ROBO1: variants seen among roughly 807,000 people sequenced by gnomAD.
The protein encoded by ROBO1 is roundabout guidance receptor 1.
ROBO1 carries 149 observed loss-of-function variants against 195.9 expected under a neutral mutation model. The ratio of observed to expected loss-of-function variants is 0.76; its 90% CI spans 0.67 to 0.87. The LOEUF (loss-of-function observed/expected upper bound fraction) is 0.87. ROBO1 is among the 40% of genes least tolerant of loss of function. The pLI, the probability that ROBO1 is intolerant of heterozygous loss-of-function variation, is 0.00. For missense variants in ROBO1, 1,933 were observed against 2,068.3 expected (o/e 0.93, Z 1.27); for synonymous variants, 816 against 733.2 (o/e 1.11, Z -1.82).
At chr3:79,332,265 CAG>C (rs969232982) in intron 2 of ROBO1, among the ~76,000 whole-genome samples, 1 of 149,464 alleles carries the variant, frequency 6.7e-6, no homozygotes, top group Non-Finnish European at 1.5e-5. Flanking sequence ...CACAAGAAGG[CAG>C]AGAGTTAATG....
intron 4 of ROBO1, among the ~76,000 whole-genome samples, chr3:78,823,450 A>T (rs777017941): frequency 6.6e-6 from 1 of 152,198 alleles, no homozygotes; most frequent in Non-Finnish European, 1.5e-5. Flanking sequence ...ACAGGGAACA[A>T]TATCAAACAT....
At chr3:79,660,516 A>C (rs968231029) in intron 1 of ROBO1, among the ~76,000 whole-genome samples, 1 of 152,062 alleles carries the variant, frequency 6.6e-6, no homozygotes, top group Non-Finnish European at 1.5e-5. Flanking sequence ...AGAAGTCATG[A>C]TATCCAAAGA....
Position 79,506,803 on chromosome 3 carries a change from G to T in ROBO1, c.88+83021C>A, listed in dbSNP as rs968073928. 1.1e-4 allele frequency among the ~76,000 whole-genome samples: 16 copies of T among 152,332 alleles called. No homozygotes were observed. The South Asian group carries it at 1.9e-3, about 18-fold the overall frequency. On this transcript the variant is annotated intron_variant, in intron 2 of 30. Coordinates refer to ENST00000464233, the MANE Select transcript of ROBO1 (RefSeq NM_002941.4). Reference sequence around the variant, plus strand: ...TGGTGTTAAGTATGTTGAGTTTCAAGTGTCATAAAAGCATATGTGCAACTT... The same window carrying T: ...TGGTGTTAAGTATGTTGAGTTTCAATTGTCATAAAAGCATATGTGCAACTT...
intron 2 of ROBO1, among the ~76,000 whole-genome samples, chr3:79,222,512 C>G (rs953532783): frequency 3.3e-5 from 5 of 151,742 alleles, no homozygotes; most frequent in African/African-American, 9.7e-5. Context: ...ACATAAAATA[C>G]CTTTCATTAG....
chr3:79,018,766 G>GTGC (rs2078022504), intron 3 of ROBO1: 1 of 1,131,224 alleles, frequency 8.8e-7, no homozygotes, highest in Admixed American at 3.8e-5. Flanking sequence ...AAGCGCAGTA[G>GTGC]TGCCGTTTCC....
intron 2 of ROBO1, among the ~76,000 whole-genome samples, chr3:79,542,863 C>T (rs1274379741): frequency 6.6e-6 from 1 of 151,856 alleles, no homozygotes; most frequent in Non-Finnish European, 1.5e-5. Context: ...TAATATCTGC[C>T]ACATTATTAG....
intron 3 of ROBO1, among the ~76,000 whole-genome samples, chr3:79,010,402 T>G (rs1225066614): frequency 1.3e-5 from 2 of 152,148 alleles, no homozygotes; most frequent in Non-Finnish European, 2.9e-5. Context: ...CATTCATTTC[T>G]AATATGATTG....
intron 2 of ROBO1, among the ~76,000 whole-genome samples, chr3:79,144,553 A>G (rs938219466): frequency 6.6e-6 from 1 of 151,344 alleles, no homozygotes. Context: ...GGAAATTTTG[A>G]TAGATGGAAT....
intron 3 of ROBO1, among the ~76,000 whole-genome samples, chr3:79,026,451 A>G (rs2078205131): frequency 6.6e-6 from 1 of 152,090 alleles, no homozygotes; most frequent in Non-Finnish European, 1.5e-5. Flanking sequence ...TCAATTCAAG[A>G]AAATGACTCT....
At chr3:79,248,576 G>T (rs1320233573) in intron 2 of ROBO1, among the ~76,000 whole-genome samples, 1 of 152,036 alleles carries the variant, frequency 6.6e-6, no homozygotes, top group Non-Finnish European at 1.5e-5. Context: ...TTTTTAAAAA[G>T]CAATATTGTG....
At chr3:79,205,788 C>T (rs2081856035) in intron 2 of ROBO1, among the ~76,000 whole-genome samples, 1 of 152,184 alleles carries the variant, frequency 6.6e-6, no homozygotes, top group Non-Finnish European at 1.5e-5. Flanking sequence ...ATCAGGAAAG[C>T]AGATGTAAAG....
intron 2 of ROBO1, among the ~76,000 whole-genome samples, chr3:79,179,429 T>C (rs2081305566): frequency 6.6e-6 from 1 of 152,240 alleles, no homozygotes; most frequent in African/African-American, 2.4e-5. Context: ...GTTGGCTTAC[T>C]TTCCGGTAAG....
chr3:78,758,216 T>C (rs998844607), intron 4 of ROBO1, among the ~76,000 whole-genome samples: 2 of 152,214 alleles, frequency 1.3e-5, no homozygotes, highest in African/African-American at 4.8e-5. Context: ...AATTGTTTTA[T>C]GTAATTATAA....
intron 19 of ROBO1, among the ~76,000 whole-genome samples, 199 bp from the exon 20 acceptor site, chr3:78,647,854 G>A (rs1487923128): frequency 6.6e-6 from 1 of 152,008 alleles, no homozygotes; most frequent in Non-Finnish European, 1.5e-5. Context: ...GTACCATTTT[G>A]AAGTGTCTGA....
rs2080999322 is a variant in ROBO1 at position 79,162,964 on chromosome 3, C to T, written c.89-37425G>A. Among the ~76,000 whole-genome samples the T allele has an allele frequency of 3.9e-5, 6 of 152,168 alleles. 1 individual carries two copies. The South Asian group carries it at 1.2e-3, about 32-fold the overall frequency. On this transcript the variant is annotated intron_variant, in intron 2 of 30. Transcript: ENST00000464233. ...GAGCCCTTTTAAAGCATTTTTGTCT[C>T]CATTATCTTGTTTTGTGGCCTCACT...
chr3:79,557,730 T>TAA lies in ROBO1; in HGVS notation c.88+32092_88+32093dup, dbSNP rs368317896. Among the ~76,000 whole-genome samples the TAA allele has an allele frequency of 6.2e-3, 685 of 110,428 alleles. 26 individuals carry two copies. The highest frequency in any genetic ancestry group is 0.034 in the Middle Eastern group (7 of 208). 72.4% of individuals were successfully genotyped at this position (110,428 alleles called of 152,430 possible). On this transcript the variant is annotated intron_variant, in intron 2 of 30. Transcript: ENST00000464233. ...CCTGGGCAACAGAGCGAGACTGTCT[T>TAA]AAAACAAAAAAAAATATATATATAT...
chr3:78,615,815 C>G (rs918639003), intron 27 of ROBO1, among the ~76,000 whole-genome samples: 5 of 152,170 alleles, frequency 3.3e-5, no homozygotes, highest in African/African-American at 1.2e-4. Flanking sequence ...TACATTAACA[C>G]AGCCAAGTGA....
At chr3:78,650,643 T>C (rs188545892) in intron 19 of ROBO1, among the ~76,000 whole-genome samples, 14 of 152,354 alleles carry the variant, frequency 9.2e-5, no homozygotes, top group Admixed American at 3.9e-4. Flanking sequence ...TTCACTTATG[T>C]AGAAAATTCG....
intron 4 of ROBO1, among the ~76,000 whole-genome samples, chr3:78,768,765 C>T (rs1267431562): frequency 1.3e-5 from 2 of 151,352 alleles, no homozygotes; most frequent in South Asian, 2.1e-4. Context: ...CCCACTAACT[C>T]GTCATCTAGC....
Sources: allele counts gnomAD v4.1 joint callset (sites outside exome capture counted in the v4.1 genomes callset), GRCh38; gene constraint gnomAD v4.1.1; transcripts MANE v1.5; gene names NCBI Gene and HGNC (gene_info 2026-07-23, HGNC 2026-07-21).